Variants in KIRREL3 observed in about 807,000 individuals in gnomAD.
KIRREL3 encodes kin of IRRE-like protein 3.
A neutral mutation model predicts 89.7 loss-of-function variants in KIRREL3; 36 were observed. That is an observed-to-expected ratio of 0.40 (90% CI 0.31 to 0.53). The LOEUF (loss-of-function observed/expected upper bound fraction) is 0.53, where lower values mean the gene tolerates loss of function less well. Ranked by LOEUF, KIRREL3 falls within the 20% of genes least tolerant of loss-of-function variation. The pLI, the probability that KIRREL3 is intolerant of heterozygous loss-of-function variation, is 0.49. For synonymous variants in KIRREL3, 445 were observed against 441.4 expected, an observed-to-expected ratio of 1.01 and a Z score of -0.10; for missense variants, 864 against 1,056.6, an observed-to-expected ratio of 0.82 and a Z score of 2.53.
intron 1 of KIRREL3, chr11:126,936,264 TA>T (rs1948180236): frequency 6.6e-6 from 1 of 152,082 alleles, no homozygotes; most frequent in Non-Finnish European, 1.5e-5. Flanking sequence ...AGGATGTAAA[TA>T]AACTGGAACC....
chr11:126,532,529 C>T (rs1386456135), intron 2 of KIRREL3, among the ~76,000 whole-genome samples: 2 of 152,166 alleles, frequency 1.3e-5, no homozygotes, highest in African/African-American at 2.4e-5. Context: ...GCACCTGCCA[C>T]CATGCCTGGC....
chr11:126,763,501 T>G lies in KIRREL3; in HGVS notation c.56-200589A>C, dbSNP rs772949629. Among the ~76,000 whole-genome samples the G allele has an allele frequency of 2.0e-5, 3 of 152,082 alleles. No homozygotes were observed. On this transcript the variant is annotated intron_variant, in intron 1 of 16. Transcript: ENST00000525144. The surrounding 1 kb of genome is among the most constrained non-coding windows in gnomAD (Gnocchi z 4.7). ...GATGGTGGGGTCCTTCTTTTGAGAA[T>G]TCTAGTCTCTCTGGGGCCACATGAC...
In KIRREL3 at chr11:126,990,096, T is replaced by C. The variant is rs892145945; in HGVS notation, c.55+10359A>G. On this transcript the variant is annotated intron_variant, in intron 1 of 16. Coordinates refer to ENST00000525144, the MANE Select transcript of KIRREL3 (RefSeq NM_032531.4). The surrounding 1 kb of genome is among the most constrained non-coding windows in gnomAD (Gnocchi z 6.3). ...TGGAGCGGGGCAGGGGGCACAGGCCTGGAGGCGGCTCTAGGGAGAGGTAGG... is the reference window on the plus strand; with the variant it reads ...TGGAGCGGGGCAGGGGGCACAGGCCCGGAGGCGGCTCTAGGGAGAGGTAGG... Among the ~76,000 whole-genome samples, 6 of 152,156 alleles carry C rather than the reference T, an allele frequency of 3.9e-5. No homozygotes were observed. Among genetic ancestry groups the C allele is most frequent in the African/African-American group, 1.4e-4 (6 of 41,456 alleles).
At chr11:126,633,573 C>T (rs944655647) in intron 1 of KIRREL3, among the ~76,000 whole-genome samples, 1 of 152,126 alleles carries the variant, frequency 6.6e-6, no homozygotes, top group Non-Finnish European at 1.5e-5. Context: ...CTGTGATCTG[C>T]ACATCCCAGC....
At chr11:126,942,211 A>T (rs1477888830) in intron 1 of KIRREL3, among the ~76,000 whole-genome samples, 1 of 152,098 alleles carries the variant, frequency 6.6e-6, no homozygotes, top group East Asian at 1.9e-4. Flanking sequence ...GCCTTAGTTT[A>T]CTCATTAATA....
chr11:126,698,057 T>C (rs1947170100), intron 1 of KIRREL3, among the ~76,000 whole-genome samples: 2 of 152,076 alleles, frequency 1.3e-5, no homozygotes, highest in South Asian at 2.1e-4. Flanking sequence ...GAGGAGGAAA[T>C]AGCATTGTGA....
At position 126,444,050 on chromosome 11, in the gene KIRREL3, G is replaced by A. The variant is rs543137047; in HGVS notation, c.1252+929C>T. On this transcript the variant is annotated intron_variant, in intron 10 of 16. Transcript: ENST00000525144. Reference sequence around the variant, plus strand: ...TGGTGCCACAACCTTCTTGGGTCTGGCCTGAGCCAGGTCTCAGCTTCTCCA... The same window carrying A: ...TGGTGCCACAACCTTCTTGGGTCTGACCTGAGCCAGGTCTCAGCTTCTCCA... Among the ~76,000 whole-genome samples the A allele has an allele frequency of 6.2e-4, 95 of 152,252 alleles. 2 individuals are homozygous for A. The South Asian group carries it at 0.019, about 31-fold the overall frequency.
rs1957447555 is a variant in KIRREL3 at position 126,489,275 on chromosome 11, C to A, written c.434-15809G>T. 6.6e-6 allele frequency among the ~76,000 whole-genome samples: 1 copy of A among 152,184 alleles called. No individual in the cohort carries two copies. Among genetic ancestry groups the A allele is most frequent in the South Asian group, 2.1e-4 (1 of 4,836 alleles). On this transcript the variant is annotated intron_variant, in intron 4 of 16. Transcript: ENST00000525144. The surrounding 1 kb of genome is among the most constrained non-coding windows in gnomAD (Gnocchi z 5.5). ...AGCTTCCTAAGGGAAGCAGCCCTGT[C>A]ATGTTCCTCTTTGTCTCTCTCTCCT... is the stretch of plus-strand genomic sequence containing the variant.
rs911939508 is a variant in KIRREL3, at chr11:126,993,960, G to A, written c.55+6495C>T. 3.9e-5 allele frequency among the ~76,000 whole-genome samples: 6 copies of A among 152,126 alleles called. No homozygotes were observed. The highest frequency in any genetic ancestry group is 1.2e-4 in the African/African-American group (5 of 41,406). The stretch of plus-strand genomic sequence containing the variant: ...AATCCACTGAATACAGGCCAAGTGA[G>A]CAGACCATCTAGATAATTCAGCATG... On this transcript the variant is annotated intron_variant, in intron 1 of 16. Transcript: ENST00000525144. This position sits in a 1 kb window ranked among gnomAD's most constrained non-coding sequence, Gnocchi z 6.1.
intron 1 of KIRREL3, among the ~76,000 whole-genome samples, chr11:126,602,063 G>A (rs1485297167): frequency 1.3e-5 from 2 of 152,214 alleles, no homozygotes; most frequent in East Asian, 1.9e-4. Flanking sequence ...TTGAATGGCC[G>A]AGTTTGTTTA....
In KIRREL3 at chr11:126,883,257, T is replaced by C. The variant is rs1208284880; in HGVS notation, c.55+117198A>G. 6.6e-6 allele frequency among the ~76,000 whole-genome samples: 1 copy of C among 152,084 alleles called. No homozygotes were observed. Among genetic ancestry groups the C allele is most frequent in the African/African-American group, 2.4e-5 (1 of 41,408 alleles). On this transcript the variant is annotated intron_variant, in intron 1 of 16. Transcript: ENST00000525144. The surrounding 1 kb of genome is among the most constrained non-coding windows in gnomAD (Gnocchi z 4.1). ...GAAGCCAGGAATAGTTAAGAGGAAATTGAGGCAACTTGGAAAGGCAAAGCA... is the reference window on the plus strand; with the variant it reads ...GAAGCCAGGAATAGTTAAGAGGAAACTGAGGCAACTTGGAAAGGCAAAGCA...
chr11:126,471,021 A>T lies in KIRREL3; in HGVS notation c.591+2288T>A, dbSNP rs1211465024. The stretch of plus-strand genomic sequence containing the variant: ...TGTACCCAGAATTTTGTTTTTATTC[A>T]GGTAGAGGGAGGCCAACAGATCAGG... On this transcript the variant is annotated intron_variant, in intron 5 of 16. Coordinates refer to ENST00000525144, the MANE Select transcript of KIRREL3 (RefSeq NM_032531.4). This position sits in a 1 kb window ranked among gnomAD's most constrained non-coding sequence, Gnocchi z 5.4. 6.6e-6 allele frequency among the ~76,000 whole-genome samples: 1 copy of T among 152,098 alleles called. No individual in the cohort carries two copies. Among genetic ancestry groups the T allele is most frequent in the African/African-American group, 2.4e-5 (1 of 41,388 alleles).
At chr11:126,718,052 C>T (rs1948034711) in intron 1 of KIRREL3, among the ~76,000 whole-genome samples, 1 of 152,178 alleles carries the variant, frequency 6.6e-6, no homozygotes, top group Non-Finnish European at 1.5e-5. Flanking sequence ...ATGACAAGAG[C>T]TTTGTCTTTC....
rs1384975076 is a variant in KIRREL3, at chr11:126,656,560, C to T, written c.56-93648G>A. 6.6e-6 allele frequency among the ~76,000 whole-genome samples: 1 copy of T among 152,180 alleles called. No individual in the cohort carries two copies. Among genetic ancestry groups the T allele is most frequent in the Non-Finnish European group, 1.5e-5 (1 of 68,034 alleles). The stretch of plus-strand genomic sequence containing the variant: ...GTGACAGTGGTTGCGTGCTCCTGGG[C>T]ACCGCCTGCCCAGCCCCTGCACTGA... On this transcript the variant is annotated intron_variant, in intron 1 of 16. Transcript: ENST00000525144. The surrounding 1 kb of genome is among the most constrained non-coding windows in gnomAD (Gnocchi z 4.0).
chr11:126,596,512 A>G (rs927630797), intron 1 of KIRREL3, among the ~76,000 whole-genome samples: 2 of 152,222 alleles, frequency 1.3e-5, no homozygotes, highest in African/African-American at 4.8e-5. Flanking sequence ...TAGGAATGTG[A>G]TGACCTCGGC....
At chr11:126,998,742 T>G (rs1275646757) in intron 1 of KIRREL3, among the ~76,000 whole-genome samples, 1 of 152,158 alleles carries the variant, frequency 6.6e-6, no homozygotes, top group African/African-American at 2.4e-5. Context: ...CCAATCTACA[T>G]AAGTATCACG....
rs1210090751 is a variant in KIRREL3 at position 126,705,088 on chromosome 11, A to AATT, written c.56-142177_56-142176insAAT. Among the ~76,000 whole-genome samples, 1 of 152,194 alleles carries AATT rather than the reference A, an allele frequency of 6.6e-6. No homozygotes were observed. Among genetic ancestry groups the AATT allele is most frequent in the African/African-American group, 2.4e-5 (1 of 41,448 alleles). ...TCAAGACATAGGTTTGGTTTTCTTA[A>AATT]AAAAAGGTTTTCTTAATTCAAAAAA... On this transcript the variant is annotated intron_variant, in intron 1 of 16. Transcript: ENST00000525144. This position sits in a 1 kb window ranked among gnomAD's most constrained non-coding sequence, Gnocchi z 4.3.
intron 1 of KIRREL3, among the ~76,000 whole-genome samples, chr11:126,631,637 G>A (rs532670689): frequency 6.6e-6 from 1 of 152,334 alleles, no homozygotes; most frequent in South Asian, 2.1e-4. Flanking sequence ...ATCTTTAGCA[G>A]GAGTACATGT....
chr11:126,925,518 A>G (rs1947676941), intron 1 of KIRREL3, among the ~76,000 whole-genome samples: 1 of 152,206 alleles, frequency 6.6e-6, no homozygotes, highest in Non-Finnish European at 1.5e-5. Context: ...TGAGCTCAGT[A>G]TGAGGGCTGA....
Sources: gnomAD v4.1 joint callset for allele counts (sites outside exome capture counted in the v4.1 genomes callset) on GRCh38, gnomAD v4.1.1 for gene constraint, Gnocchi (gnomAD v3.1) non-coding constraint, MANE v1.5 for transcripts, NCBI Gene and HGNC (gene_info 2026-07-23, HGNC 2026-07-21) for gene names.